The following PRAF2 variants were observed in gnomAD, a reference collection of about 807,000 sequenced individuals.
PRAF2 encodes PRA1 family protein 2.
In PRAF2, 5 loss-of-function variants were observed where a neutral mutation model predicts 9.7. The ratio of observed to expected loss-of-function variants is 0.51; its 90% CI spans 0.27 to 1.08. PRAF2 has a LOEUF of 1.08. PRAF2 is among the 50% of genes least tolerant of loss of function. The pLI, the probability that PRAF2 is intolerant of heterozygous loss-of-function variation, is 0.12. For missense variants in PRAF2, 135 were observed against 160.7 expected, an observed-to-expected ratio of 0.84 and a Z score of 0.86; for synonymous variants, 61 against 76.6, an observed-to-expected ratio of 0.80 and a Z score of 1.06.
intron 1 of PRAF2, among the ~76,000 whole-genome samples, chrX:49,073,103 T>C (rs1231127995): frequency 7.2e-5 from 8 of 110,509 alleles, no homozygotes; most frequent in African/African-American, 2.6e-4. Context: ...CCCTCCAGGC[T>C]CCCATTTCCC....
At chrX:49,073,717 C>A (rs2065019691) in intron 1 of PRAF2, 92 bp downstream of exon 1, 1 of 1,096,323 alleles carries the variant, frequency 9.1e-7, no homozygotes, top group Middle Eastern at 2.5e-4. Flanking sequence ...CTTGCACCCC[C>A]CTCAGGTTCC....
In PRAF2 at chrX:49,071,955, T is replaced by G. The variant is rs149181231; in HGVS notation, c.451A>C (p.Asn151His). 64 of 1,208,688 alleles carry G rather than the reference T, an allele frequency of 5.3e-5. No homozygotes were observed. The highest frequency in any genetic ancestry group is 6.8e-5 in the Non-Finnish European group (61 of 894,661). ...TTGAGACCAATGCTCTCGATCTTGT[T>G]CTCAATCTTGTTCTTAAGGTTGCGC... is the stretch of plus-strand genomic sequence containing the variant. ...RLRNLKNKIE[N>H]KIESIGLKRT... is the part of the protein sequence containing the mutation. Residue 151 changes from asparagine (N) to histidine (H), a missense_variant, in exon 3 of 3, where the codon AAC becomes CAC. Transcript: ENST00000553851.
intron 1 of PRAF2, 85 bp from the exon 2 acceptor site, chrX:49,072,735 G>C (rs2065016002): frequency 2.1e-6 from 2 of 945,375 alleles, no homozygotes; most frequent in East Asian, 6.8e-5. Context: ...CAAGAGCCAG[G>C]GTCTCCCGTC....
At position 49,072,569 on chromosome X, in the gene PRAF2, G is replaced by T. The variant is rs782105729; in HGVS notation, c.261C>A (p.Thr87=). 8.6e-7 allele frequency: 1 copy of T among 1,165,634 alleles called. No homozygotes were observed. Among genetic ancestry groups the T allele is most frequent in the Non-Finnish European group, 1.1e-6 (1 of 872,658 alleles). The change falls in exon 2 of 3, where the codon ACC becomes ACA. Residue 87 remains threonine, a synonymous_variant. Transcript: ENST00000553851. ...ALGVLVWAAE[T]RAAVRRCRRS... ...GGCGGCAGCGGCGCACAGCTGCGCG[G>T]GTCTCAGCTGCCCACACCAGCACGC...
chrX:49,071,783 T>C lies in PRAF2; in HGVS notation c.*86A>G. On this transcript the variant is annotated 3_prime_UTR_variant, in exon 3 of 3. Transcript: ENST00000553851. ...GGCAGGGGGCTCTAGGCTCCTGTTTTAAGTGCTGGGAAAGGGCTCTGGGTC... is the reference window on the plus strand; with the variant it reads ...GGCAGGGGGCTCTAGGCTCCTGTTTCAAGTGCTGGGAAAGGGCTCTGGGTC... The C allele has an allele frequency of 9.3e-7, 1 of 1,074,742 alleles. No homozygotes were observed. The highest frequency in any genetic ancestry group is 1.2e-6 in the Non-Finnish European group (1 of 817,432). 88.6% of individuals were successfully genotyped at this position (1,074,742 alleles called of 1,213,427 possible).
At chrX:49,072,724 C>G in intron 1 of PRAF2, 74 bp from the exon 2 acceptor site, 1 of 1,011,061 alleles carries the variant, frequency 9.9e-7, no homozygotes, top group Non-Finnish European at 1.4e-6. Flanking sequence ...ACCCTGGGCC[C>G]CAAGAGCCAG....
Position 49,073,901 on chromosome X carries a change from G to T in PRAF2, c.87C>A (p.Asp29Glu), listed in dbSNP as rs782497929. 3.3e-6 allele frequency: 4 copies of T among 1,211,071 alleles called. No homozygotes were observed. In the African/African-American group the frequency reaches 6.9e-5, roughly 21 times the overall value. The change falls in exon 1 of 3, where the codon GAC becomes GAA. Residue 29 changes from aspartate to glutamate, a missense_variant. Transcript: ENST00000553851. ...TGACGCGGTGGCACCATCGCTGCGG[G>T]TCGCATGGATCCGGAGCCGCCAGAC... is the stretch of plus-strand genomic sequence containing the variant. ...SARLAAPDPCDPQRWCHRVIN... is the reference protein window; with the variant it reads ...SARLAAPDPCEPQRWCHRVIN...
At chrX:49,073,731 TC>T in intron 1 of PRAF2, 77 bp downstream of exon 1, 17 of 1,136,561 alleles carry the variant, frequency 1.5e-5, no homozygotes, top group Non-Finnish European at 2.0e-5. Flanking sequence ...AGGTTCCCCG[TC>T]CTGGTCCTCA....
intron 1 of PRAF2, 44 bp from the exon 2 acceptor site, chrX:49,072,694 C>T (rs1557083360): frequency 2.7e-6 from 3 of 1,130,256 alleles, no homozygotes; most frequent in Admixed American, 5.2e-5. Flanking sequence ...GGCGGAGAGA[C>T]GGCCTCCGGA....
intron 1 of PRAF2, 93 bp from the exon 2 acceptor site, chrX:49,072,743 G>A (rs1475309124): frequency 2.3e-6 from 2 of 871,932 alleles, no homozygotes; most frequent in Non-Finnish European, 3.2e-6. Flanking sequence ...AGGGTCTCCC[G>A]TCTCCGGACA....
intron 2 of PRAF2, 92 bp from the exon 3 acceptor site, chrX:49,072,100 C>G (rs1054664497): frequency 8.6e-6 from 9 of 1,041,113 alleles, no homozygotes; most frequent in Non-Finnish European, 1.0e-5. Context: ...CGCAGGCAGG[C>G]CAATGGAGTG....
intron 1 of PRAF2, among the ~76,000 whole-genome samples, chrX:49,073,292 C>T (rs1557083447): frequency 1.8e-5 from 2 of 110,707 alleles, no homozygotes; most frequent in Non-Finnish European, 3.8e-5. Flanking sequence ...CCCCTGGCGC[C>T]TTCCAATCAT....
chrX:49,072,070 C>A, intron 2 of PRAF2, 62 bp from the exon 3 acceptor site: 1 of 1,144,799 alleles, frequency 8.7e-7, no homozygotes, highest in Middle Eastern at 2.6e-4. Flanking sequence ...CCAACCGGGG[C>A]CCACCGAAGG....
intron 1 of PRAF2, 50 bp downstream of exon 1, chrX:49,073,759 C>A: frequency 8.4e-7 from 1 of 1,190,907 alleles, no homozygotes; most frequent in African/African-American, 1.7e-5. Context: ...TGTGGGTCTA[C>A]CCCCACGCTC....
chrX:49,073,935 C>T lies in PRAF2; in HGVS notation c.53G>A (p.Gly18Glu), dbSNP rs367611807. The change falls in exon 1 of 3, where the codon GGG becomes GAG. Residue 18 changes from glycine (G) to glutamate (E), a missense_variant. Coordinates refer to ENST00000553851, the MANE Select transcript of PRAF2 (RefSeq NM_007213.3). The part of the protein sequence containing the change: ...PLRALDDFVL[G>E]SARLAAPDPC... ...ATCCGGAGCCGCCAGACGCGCCGAC[C>T]CCAGAACAAAGTCGTCCAGGGCGCG... is the stretch of plus-strand genomic sequence containing the variant. The T allele has an allele frequency of 1.2e-5, 15 of 1,210,096 alleles. No individual in the cohort carries two copies. In the East Asian group the frequency reaches 4.4e-4, roughly 36 times the overall value.
Position 49,072,548 on chromosome X carries a change from G to A in PRAF2, c.282C>T (p.Cys94=), listed in dbSNP as rs1557083311. Residue 94 remains cysteine, a synonymous_variant, in exon 2 of 3, where the codon TGC becomes TGT. Coordinates refer to ENST00000553851, the MANE Select transcript of PRAF2 (RefSeq NM_007213.3). The part of the protein sequence containing the change: ...AAETRAAVRR[C]RRSHPAACLA... ...GGCAGGCTGCAGGGTGGCTGCGGCGGCAGCGGCGCACAGCTGCGCGGGTCT... is the reference window on the plus strand; with the variant it reads ...GGCAGGCTGCAGGGTGGCTGCGGCGACAGCGGCGCACAGCTGCGCGGGTCT... 1 of 1,167,696 alleles carries A rather than the reference G, an allele frequency of 8.6e-7. No homozygotes were observed. Among genetic ancestry groups the A allele is most frequent in the South Asian group, 1.9e-5 (1 of 52,785 alleles).
At chrX:49,072,160 C>T in intron 2 of PRAF2, 152 bp from the exon 3 acceptor site, 1 of 781,232 alleles carries the variant, frequency 1.3e-6, no homozygotes, top group Non-Finnish European at 1.8e-6. Flanking sequence ...GAGTAATTGG[C>T]TTGGCAACGT....
Position 49,073,980 on chromosome X carries a change from T to G in PRAF2, c.8A>C (p.Glu3Ala). 2 of 1,199,157 alleles carry G rather than the reference T, an allele frequency of 1.7e-6. No individual in the cohort carries two copies. The highest frequency in any genetic ancestry group is 2.2e-6 in the Non-Finnish European group (2 of 890,018). Residue 3 changes from glutamate (E) to alanine (A), a missense_variant, in exon 1 of 3, where the codon GAG (glutamate) becomes GCG (alanine). Physicochemically the swap from Glu to Ala is moderately radical, Grantham distance 107. Transcript: ENST00000553851. ...GGCGCGTAGCGGTGGCAGCCGCACC[T>G]CCGACATCCTGCCGGTTAATGTGGC... is the stretch of plus-strand genomic sequence containing the variant. Reference protein sequence around the residue: MSEVRLPPLRALD... With the variant: MSAVRLPPLRALD...
At chrX:49,073,177 T>C (rs2065017640) in intron 1 of PRAF2, among the ~76,000 whole-genome samples, 1 of 110,587 alleles carries the variant, frequency 9.0e-6, no homozygotes, top group Admixed American at 9.6e-5. Flanking sequence ...CTCTGAACTT[T>C]CAGCACTGCT....
Sources: allele counts gnomAD v4.1 joint callset (sites outside exome capture counted in the v4.1 genomes callset), GRCh38; gene constraint gnomAD v4.1.1; transcripts MANE v1.5; gene names NCBI Gene and HGNC (gene_info 2026-07-23, HGNC 2026-07-21).